Variants in TEAD1 observed in about 807,000 individuals in gnomAD.
TEAD1 encodes transcriptional enhancer factor TEF-1.
TEAD1 carries 9 observed loss-of-function variants against 54.9 expected under a neutral mutation model. The observed-to-expected ratio is 0.16, with a 90% CI of 0.10 to 0.29. The LOEUF (loss-of-function observed/expected upper bound fraction) is 0.29. TEAD1 is among the 10% of genes least tolerant of loss of function. The pLI is 1.00. For missense variants in TEAD1, 387 were observed against 535.9 expected (o/e 0.72, Z 2.74); for synonymous variants, 200 against 187.8 (o/e 1.07, Z -0.53).
chr11:12,908,324 G>A (rs1007548869), intron 10 of TEAD1, among the ~76,000 whole-genome samples: 1 of 152,076 alleles, frequency 6.6e-6, no homozygotes, highest in Non-Finnish European at 1.5e-5. Flanking sequence ...GGAGTTATTC[G>A]AACTAGTCAA....
intron 12 of TEAD1, among the ~76,000 whole-genome samples, chr11:12,931,439 T>A (rs918031494): frequency 4.6e-5 from 7 of 152,232 alleles, no homozygotes; most frequent in Non-Finnish European, 7.3e-5. Flanking sequence ...TGTGGCCAAA[T>A]ACTCCTCTGA....
intron 9 of TEAD1, among the ~76,000 whole-genome samples, chr11:12,900,642 CTTTTT>C (rs371838189): frequency 1.4e-5 from 2 of 147,606 alleles, no homozygotes; most frequent in Non-Finnish European, 3.0e-5. Flanking sequence ...CCCACACAAT[CTTTTT>C]TTTTTTAAAG....
chr11:12,826,460 A>G (rs1290463450), intron 3 of TEAD1, among the ~76,000 whole-genome samples: 3 of 152,188 alleles, frequency 2.0e-5, no homozygotes, highest in African/African-American at 7.2e-5. Context: ...TGTCCTGCAA[A>G]TAAAACAGTG....
chr11:12,850,286 A>G (rs966748979), intron 3 of TEAD1, among the ~76,000 whole-genome samples: 3 of 152,128 alleles, frequency 2.0e-5, no homozygotes, highest in African/African-American at 2.4e-5. Context: ...ATAACAAACA[A>G]TTAGCCTGGC....
At chr11:12,905,198 G>A (rs1238551799) in intron 10 of TEAD1, among the ~76,000 whole-genome samples, 1 of 151,914 alleles carries the variant, frequency 6.6e-6, no homozygotes, top group African/African-American at 2.4e-5. Flanking sequence ...AGTCTTTTTT[G>A]GTTTTGCCTC....
chr11:12,911,967 T>A (rs570019167), intron 10 of TEAD1, among the ~76,000 whole-genome samples: 6 of 152,130 alleles, frequency 3.9e-5, no homozygotes, highest in Non-Finnish European at 5.9e-5. Context: ...TTTTTTTTTT[T>A]AAGTTACCTG....
intron 2 of TEAD1, among the ~76,000 whole-genome samples, chr11:12,689,812 C>G (rs1564907694): frequency 6.6e-6 from 1 of 152,054 alleles, no homozygotes; most frequent in Admixed American, 6.6e-5. Context: ...GGCTCCTCTC[C>G]CACCAGATTA....
chr11:12,859,128 C>G (rs1001584800), intron 3 of TEAD1, among the ~76,000 whole-genome samples: 1 of 152,186 alleles, frequency 6.6e-6, no homozygotes, highest in African/African-American at 2.4e-5. Flanking sequence ...TGAGTTGACA[C>G]TGTTTAACTC....
At chr11:12,874,933 A>G (rs1168376607) in intron 5 of TEAD1, among the ~76,000 whole-genome samples, 1 of 152,186 alleles carries the variant, frequency 6.6e-6, no homozygotes, top group Non-Finnish European at 1.5e-5. Context: ...AATCAGCAAT[A>G]AGTAGTCAGT....
chr11:12,776,784 A>ATTG (rs1220719001), intron 3 of TEAD1, among the ~76,000 whole-genome samples: 1 of 125,626 alleles, frequency 8.0e-6, no homozygotes, highest in Non-Finnish European at 1.5e-5. Context: ...TATTATTATT[A>ATTG]TTATTATTAT....
intron 2 of TEAD1, among the ~76,000 whole-genome samples, chr11:12,719,885 C>A (rs955113842): frequency 6.9e-6 from 1 of 145,580 alleles, no homozygotes; most frequent in African/African-American, 2.5e-5. Context: ...GGAACATAGT[C>A]CAGGTGGCAT....
chr11:12,837,805 C>CTTTT (rs575848575), intron 3 of TEAD1, among the ~76,000 whole-genome samples: 1 of 75,854 alleles, frequency 1.3e-5, no homozygotes, highest in Non-Finnish European at 3.0e-5. Context: ...CTTCCTTCTT[C>CTTTT]TTTTTTTTTT....
chr11:12,902,619 G>C (rs1293786370), intron 10 of TEAD1, among the ~76,000 whole-genome samples: 2 of 152,220 alleles, frequency 1.3e-5, no homozygotes, highest in Admixed American at 6.5e-5. Context: ...TAAGTATAAT[G>C]TGTGTGTGCT....
At chr11:12,741,797 A>G (rs1944656148) in intron 2 of TEAD1, among the ~76,000 whole-genome samples, 1 of 152,164 alleles carries the variant, frequency 6.6e-6, no homozygotes, top group African/African-American at 2.4e-5. Context: ...TGGTTCTGGG[A>G]AAGCAGAAAG....
intron 2 of TEAD1, among the ~76,000 whole-genome samples, chr11:12,735,077 C>T (rs1021917630): frequency 6.6e-6 from 1 of 152,232 alleles, no homozygotes. Context: ...AAATGTGACT[C>T]TGCCTAATTG....
chr11:12,845,418 A>C (rs1947126476), intron 3 of TEAD1, among the ~76,000 whole-genome samples: 1 of 152,180 alleles, frequency 6.6e-6, no homozygotes, highest in Admixed American at 6.5e-5. Flanking sequence ...AGTAGCTAGA[A>C]GTGTTAGTCT....
At chr11:12,920,781 A>G (rs1643150972) in intron 10 of TEAD1, among the ~76,000 whole-genome samples, 1 of 152,228 alleles carries the variant, frequency 6.6e-6, no homozygotes, top group Non-Finnish European at 1.5e-5. Context: ...AGAAAGAAAA[A>G]TAATTTCTAA....
intron 3 of TEAD1, among the ~76,000 whole-genome samples, chr11:12,787,351 C>T (rs1463934824): frequency 6.6e-6 from 1 of 152,148 alleles, no homozygotes; most frequent in Admixed American, 6.5e-5. Flanking sequence ...AGTTATCTAC[C>T]TCTTTTTTGC....
intron 3 of TEAD1, among the ~76,000 whole-genome samples, chr11:12,809,157 C>T (rs184716068): frequency 2.6e-5 from 4 of 152,298 alleles, no homozygotes; most frequent in East Asian, 1.9e-4. Flanking sequence ...GTGAACATGT[C>T]TGCAGACCCT....
Sources: gnomAD v4.1 joint callset for allele counts (sites outside exome capture counted in the v4.1 genomes callset) on GRCh38, gnomAD v4.1.1 for gene constraint, MANE v1.5 for transcripts, NCBI Gene and HGNC (gene_info 2026-07-23, HGNC 2026-07-21) for gene names.